ZNF385B: variants seen among roughly 807,000 people sequenced by gnomAD.
ZNF385B encodes zinc finger protein 385B.
A neutral mutation model predicts 39.2 loss-of-function variants in ZNF385B; 23 were observed. That is an observed-to-expected ratio of 0.59 (90% CI 0.42 to 0.83). The LOEUF is 0.83. Among genes scored for constraint, ZNF385B ranks in the 40% least tolerant of loss-of-function variants. ZNF385B has a pLI of 0.00. For synonymous variants in ZNF385B, 205 were observed against 222.6 expected (o/e 0.92, Z 0.70); for missense variants, 552 against 598.9 (o/e 0.92, Z 0.82).
chr2:179,502,009 T>C (rs981053328), intron 5 of ZNF385B, among the ~76,000 whole-genome samples: 8 of 152,228 alleles, frequency 5.3e-5, no homozygotes, highest in Non-Finnish European at 1.2e-4. Context: ...TACAAAGTTG[T>C]GCCATCATTA....
intron 6 of ZNF385B, among the ~76,000 whole-genome samples, chr2:179,454,560 G>C (rs972977595): frequency 6.6e-6 from 1 of 152,082 alleles, no homozygotes; most frequent in Admixed American, 6.6e-5. Context: ...TCTTCAAGAG[G>C]TATTCTAGAA....
chr2:179,722,387 T>G (rs1344648872), intron 3 of ZNF385B, among the ~76,000 whole-genome samples: 1 of 152,030 alleles, frequency 6.6e-6, no homozygotes, highest in Non-Finnish European at 1.5e-5. Context: ...ATGACATTGG[T>G]GTAGAGACAA....
At chr2:179,493,689 A>ATATGTG (rs765915327) in intron 5 of ZNF385B, among the ~76,000 whole-genome samples, 22 of 96,130 alleles carry the variant, frequency 2.3e-4, no homozygotes, top group Admixed American at 3.6e-4. Context: ...ACATATACAC[A>ATATGTG]TATATACATA....
intron 1 of ZNF385B, among the ~76,000 whole-genome samples, chr2:179,835,306 T>C (rs890677921): frequency 6.6e-6 from 1 of 152,224 alleles, no homozygotes; most frequent in Non-Finnish European, 1.5e-5. Flanking sequence ...GTGAAGGGTT[T>C]ACGCAACTTT....
chr2:179,708,338 C>T (rs1316267869), intron 3 of ZNF385B, among the ~76,000 whole-genome samples: 1 of 152,214 alleles, frequency 6.6e-6, no homozygotes, highest in African/African-American at 2.4e-5. Context: ...TTGCCTTCCA[C>T]CCTCCCCAGC....
intron 3 of ZNF385B, among the ~76,000 whole-genome samples, chr2:179,686,644 C>T (rs1363741622): frequency 1.3e-5 from 2 of 152,092 alleles, no homozygotes; most frequent in East Asian, 1.9e-4. Context: ...TTTAGTATAC[C>T]TTTCCATGAT....
chr2:179,477,446 C>G (rs921733656), intron 6 of ZNF385B, among the ~76,000 whole-genome samples: 2 of 152,180 alleles, frequency 1.3e-5, no homozygotes, highest in African/African-American at 4.8e-5. Context: ...TCTTCTTTCT[C>G]TTCTTCTCAT....
chr2:179,494,665 A>G (rs531737817), intron 5 of ZNF385B, among the ~76,000 whole-genome samples: 10 of 152,130 alleles, frequency 6.6e-5, no homozygotes, highest in Admixed American at 2.6e-4. Context: ...TAAAAAAAAA[A>G]GCAGAGAAAA....
At chr2:179,746,520 G>A (rs1468135505) in intron 3 of ZNF385B, among the ~76,000 whole-genome samples, 2 of 152,056 alleles carry the variant, frequency 1.3e-5, no homozygotes, top group Non-Finnish European at 2.9e-5. Flanking sequence ...TGCTATGCTA[G>A]CACCAGGACA....
chr2:179,715,018 CA>C (rs2106392432), intron 3 of ZNF385B, among the ~76,000 whole-genome samples: 1 of 149,702 alleles, frequency 6.7e-6, no homozygotes, highest in African/African-American at 2.5e-5. Context: ...CCATATCTGT[CA>C]AAAATTTTCC....
intron 1 of ZNF385B, among the ~76,000 whole-genome samples, chr2:179,787,373 A>G (rs1008528945): frequency 2.6e-4 from 40 of 152,064 alleles, no homozygotes; most frequent in African/African-American, 9.4e-4. Context: ...AGTTTTAAAC[A>G]TGGTACGTAG....
chr2:179,479,844 A>C (rs1208193500), intron 6 of ZNF385B, among the ~76,000 whole-genome samples: 2 of 152,136 alleles, frequency 1.3e-5, no homozygotes, highest in Non-Finnish European at 2.9e-5. Flanking sequence ...GTCTCAAAAA[A>C]ATAAATAAAT....
intron 6 of ZNF385B, among the ~76,000 whole-genome samples, chr2:179,467,978 T>G (rs2052272113): frequency 6.6e-6 from 1 of 152,198 alleles, no homozygotes; most frequent in African/African-American, 2.4e-5. Flanking sequence ...CTCTTTCCAT[T>G]TGAAAGCCTC....
At chr2:179,688,514 C>CAACAAA (rs1445075134) in intron 3 of ZNF385B, among the ~76,000 whole-genome samples, 1 of 151,304 alleles carries the variant, frequency 6.6e-6, no homozygotes, top group Non-Finnish European at 1.5e-5. Context: ...ACAACAACAA[C>CAACAAA]AACAAAAACA....
intron 3 of ZNF385B, among the ~76,000 whole-genome samples, chr2:179,717,870 G>A (rs1433945889): frequency 2.0e-5 from 3 of 151,820 alleles, no homozygotes; most frequent in Middle Eastern, 3.4e-3. Flanking sequence ...TTGTTATTAC[G>A]TTGTATGTAA....
intron 5 of ZNF385B, among the ~76,000 whole-genome samples, chr2:179,498,679 C>A (rs1041965714): frequency 3.3e-5 from 5 of 151,770 alleles, no homozygotes; most frequent in African/African-American, 1.2e-4. Context: ...TGGGATACTG[C>A]AAAAGCAGTA....
chr2:179,734,298 G>A (rs562195702), intron 3 of ZNF385B, among the ~76,000 whole-genome samples: 1 of 152,134 alleles, frequency 6.6e-6, no homozygotes, highest in African/African-American at 2.4e-5. Flanking sequence ...AACTAAATCT[G>A]GTAGTGAAAT....
intron 3 of ZNF385B, among the ~76,000 whole-genome samples, chr2:179,571,034 GT>G: frequency 6.6e-6 from 1 of 152,216 alleles, no homozygotes; most frequent in East Asian, 1.9e-4. Flanking sequence ...TTTAATCCAG[GT>G]TTTTTGCATA....
At chr2:179,725,280 G>T (rs915943451) in intron 3 of ZNF385B, among the ~76,000 whole-genome samples, 1 of 151,780 alleles carries the variant, frequency 6.6e-6, no homozygotes, top group Non-Finnish European at 1.5e-5. Context: ...CTCCAGCCTA[G>T]GAAAGTTGTA....
Sources: gnomAD v4.1 joint callset for allele counts (sites outside exome capture counted in the v4.1 genomes callset) on GRCh38, gnomAD v4.1.1 for gene constraint, MANE v1.5 for transcripts, NCBI Gene and HGNC (gene_info 2026-07-23, HGNC 2026-07-21) for gene names.